KLHL5: variants seen among roughly 807,000 people sequenced by gnomAD.
The protein encoded by KLHL5 is kelch like family member 5.
A neutral mutation model predicts 77.7 loss-of-function variants in KLHL5; 48 were observed. The ratio of observed to expected loss-of-function variants is 0.62; its 90% CI spans 0.49 to 0.79. The LOEUF (loss-of-function observed/expected upper bound fraction) is 0.79. Among genes scored for constraint, KLHL5 ranks in the 30% least tolerant of loss-of-function variants. KLHL5 has a pLI of 0.00. For synonymous variants in KLHL5, 260 were observed against 297.0 expected, an observed-to-expected ratio of 0.88 and a Z score of 1.28; for missense variants, 723 against 859.7, an observed-to-expected ratio of 0.84 and a Z score of 1.99.
chr4:39,076,191 G>A (rs770542224), intron 2 of KLHL5, 44 bp downstream of exon 2: 2 of 1,541,664 alleles, frequency 1.3e-6, no homozygotes, highest in South Asian at 1.2e-5. Flanking sequence ...TATTTCCTCG[G>A]TAATTTAGAT....
At chr4:39,078,888 A>AC (rs1338772797) in intron 2 of KLHL5, among the ~76,000 whole-genome samples, 1 of 148,078 alleles carries the variant, frequency 6.8e-6, no homozygotes, top group Non-Finnish European at 1.5e-5. Flanking sequence ...TTGCCCCAAA[A>AC]CCTACTGAAA....
At position 39,103,354 on chromosome 4, in the gene KLHL5, G is replaced by C. The variant is rs1214643569; in HGVS notation, c.1368G>C (p.Gly456=). The C allele has an allele frequency of 6.2e-7, 1 of 1,614,112 alleles. No individual in the cohort carries two copies. Among genetic ancestry groups the C allele is most frequent in the Non-Finnish European group, 8.5e-7 (1 of 1,180,010 alleles). The change falls in exon 7 of 11, where the codon GGG becomes GGC. Residue 456 remains glycine, a synonymous_variant. Transcript: ENST00000504108. The part of the protein sequence containing the change: ...NMWTPVANMN[G]RRLQFGVAVL... ...GGACTCCAGTAGCAAATATGAATGG[G>C]AGGAGGCTACAGTTCGGTGTTGCAG...
At chr4:39,083,781 A>G (rs953419514) in intron 4 of KLHL5, among the ~76,000 whole-genome samples, 2 of 152,224 alleles carry the variant, frequency 1.3e-5, no homozygotes, top group African/African-American at 4.8e-5. Context: ...GTATGCATTT[A>G]GGTCACTCCT....
At chr4:39,103,624 C>A in intron 7 of KLHL5, 113 bp downstream of exon 7, 1 of 781,220 alleles carries the variant, frequency 1.3e-6, no homozygotes, top group Non-Finnish European at 2.1e-6. Context: ...CAGCAGTCAC[C>A]AAGCATTCCT....
At chr4:39,091,492 TA>T (rs2109434923) in intron 5 of KLHL5, among the ~76,000 whole-genome samples, 1 of 152,308 alleles carries the variant, frequency 6.6e-6, no homozygotes, top group African/African-American at 2.4e-5. Context: ...ATACATTATT[TA>T]AAAGATTTTG....
chr4:39,118,684 A>C (rs1723017576), intron 10 of KLHL5, among the ~76,000 whole-genome samples: 1 of 152,054 alleles, frequency 6.6e-6, no homozygotes, highest in African/African-American at 2.4e-5. Flanking sequence ...TGAACCTGGG[A>C]GGCAGAGGTT....
rs1370534202 is a variant in KLHL5, at chr4:39,122,128, A to G, written c.*1062A>G. 6.6e-6 allele frequency: 1 copy of G among 152,660 alleles called. No homozygotes were observed. Among genetic ancestry groups the G allele is most frequent in the Non-Finnish European group, 1.5e-5 (1 of 68,048 alleles). The allele number at this position is 152,660 out of a possible 1,614,324, so 9.5% of individuals were successfully genotyped here. ...AACTCTAATTACATATGTGAATGTTATTACTCTCAGTGAATTGTTATTGTT... is the reference window on the plus strand; with the variant it reads ...AACTCTAATTACATATGTGAATGTTGTTACTCTCAGTGAATTGTTATTGTT... On this transcript the variant is annotated 3_prime_UTR_variant, in exon 11 of 11. Transcript: ENST00000504108.
At chr4:39,063,418 G>A (rs1717607030) in intron 1 of KLHL5, among the ~76,000 whole-genome samples, 2 of 152,000 alleles carry the variant, frequency 1.3e-5, no homozygotes, top group Non-Finnish European at 2.9e-5. Context: ...TGACATTTTA[G>A]TTTATAACAG....
intron 1 of KLHL5, among the ~76,000 whole-genome samples, chr4:39,068,910 T>TAAAATGATATAAC (rs962746048): frequency 6.6e-6 from 1 of 152,200 alleles, no homozygotes; most frequent in Non-Finnish European, 1.5e-5. Flanking sequence ...AGGCATAGGC[T>TAAAATGATATAAC]AAAATGATAT....
At chr4:39,101,866 A>T (rs1334100390) in intron 6 of KLHL5, among the ~76,000 whole-genome samples, 1 of 135,812 alleles carries the variant, frequency 7.4e-6, no homozygotes, top group Non-Finnish European at 1.5e-5. Flanking sequence ...AAAAATATAT[A>T]TATATATATA....
At position 39,113,125 on chromosome 4, in the gene KLHL5, G is replaced by T. The variant is rs1722577642; in HGVS notation, c.1794G>T (p.Arg598Ser). Residue 598 changes from arginine to serine, a missense_variant, in exon 9 of 11, where the codon AGG (arginine) becomes AGT (serine). By Grantham distance (110) the Arg-to-Ser change is moderately radical. This residue lies in a region of KLHL5 where 214 missense variants were observed against 237.4 expected (regional missense o/e 0.90). Transcript: ENST00000504108. Reference sequence around the variant, plus strand: ...CACTGTGTGCACAGATGTCAAAAAGGAGAGGTGGCGTAGGAGTGACGACCT... The same window carrying T: ...CACTGTGTGCACAGATGTCAAAAAGTAGAGGTGGCGTAGGAGTGACGACCT... ...KWTLCAQMSK[R>S]RGGVGVTTWN... is the part of the protein sequence containing the mutation. The T allele has an allele frequency of 6.2e-7, 1 of 1,614,110 alleles. No homozygotes were observed. Among genetic ancestry groups the T allele is most frequent in the Admixed American group, 1.7e-5 (1 of 60,010 alleles).
intron 5 of KLHL5, among the ~76,000 whole-genome samples, chr4:39,088,381 A>G (rs763185328): frequency 9.2e-5 from 14 of 152,176 alleles, no homozygotes; most frequent in Non-Finnish European, 1.6e-4. Context: ...GTAAATCCAT[A>G]TGTTCAAAAT....
chr4:39,134,440 G>T, the KLHL5 span, among the ~76,000 whole-genome samples: 114 of 152,288 alleles, frequency 7.5e-4, no homozygotes, highest in Non-Finnish European at 1.2e-3. Flanking sequence ...ACGCAAACTA[G>T]CTAGTAAATG....
chr4:39,090,251 G>T (rs768078698), intron 5 of KLHL5, among the ~76,000 whole-genome samples: 1 of 152,102 alleles, frequency 6.6e-6, no homozygotes, highest in Non-Finnish European at 1.5e-5. Context: ...TTGTGAAATA[G>T]TTCCTTTTCC....
the KLHL5 span, among the ~76,000 whole-genome samples, chr4:39,133,602 A>T: frequency 6.6e-5 from 10 of 151,870 alleles, no homozygotes; most frequent in Non-Finnish European, 1.5e-4. Flanking sequence ...ATTAAAAAAA[A>T]ATTTTTTATC....
intron 5 of KLHL5, among the ~76,000 whole-genome samples, chr4:39,093,678 G>C (rs13353600): frequency 0.022 from 3,338 of 152,220 alleles, 135 homozygotes; most frequent in African/African-American, 0.075. Flanking sequence ...GGCCAAGGTG[G>C]GAGGATCACT....
chr4:39,054,256 TGAA>T (rs769135737), intron 1 of KLHL5, among the ~76,000 whole-genome samples: 39 of 152,306 alleles, frequency 2.6e-4, no homozygotes, highest in Non-Finnish European at 4.7e-4. Flanking sequence ...CTTCTTGCTT[TGAA>T]AGCAAGAAGC....
At chr4:39,059,564 T>A (rs761231000), upstream of KLHL5, among the ~76,000 whole-genome samples, 3 of 152,138 alleles carry the variant, frequency 2.0e-5, no homozygotes, top group Non-Finnish European at 4.4e-5. Context: ...CTGGCCAATA[T>A]GGTGAAACCC....
chr4:39,084,035 A>G (rs1476296784), intron 4 of KLHL5, among the ~76,000 whole-genome samples: 1 of 152,254 alleles, frequency 6.6e-6, no homozygotes, highest in East Asian at 1.9e-4. Flanking sequence ...ATGAAAATGT[A>G]TAGCAAAATT....
Sources: allele counts gnomAD v4.1 joint callset (sites outside exome capture counted in the v4.1 genomes callset), GRCh38; gene constraint gnomAD v4.1.1; regional missense constraint gnomAD v4.1.1; transcripts MANE v1.5; gene names NCBI Gene and HGNC (gene_info 2026-07-23, HGNC 2026-07-21).